The following SV2C variants were observed in gnomAD, a reference collection of about 807,000 sequenced individuals.
SV2C encodes the protein solute carrier family 22 member B3.
In SV2C, 49 loss-of-function variants were observed where a neutral mutation model predicts 79.7. That is an observed-to-expected ratio of 0.61 (90% CI 0.49 to 0.78). The LOEUF is 0.78. Ranked by LOEUF, SV2C falls within the 30% of genes least tolerant of loss-of-function variation. The pLI, the probability that SV2C is intolerant of heterozygous loss-of-function variation, is 0.00. For synonymous variants in SV2C, 334 were observed against 333.2 expected (o/e 1.00, Z -0.03); for missense variants, 833 against 912.9 (o/e 0.91, Z 1.13).
the SV2C span, among the ~76,000 whole-genome samples, chr5:75,976,282 ACTCT>A: frequency 9.9e-4 from 150 of 151,872 alleles, 1 homozygote; most frequent in Non-Finnish European, 8.4e-4. Flanking sequence ...TCTCTCTCTC[ACTCT>A]CTCTCTTTCT....
At chr5:75,919,286 G>A in the SV2C span, among the ~76,000 whole-genome samples, 1 of 152,168 alleles carries the variant, frequency 6.6e-6, no homozygotes, top group Non-Finnish European at 1.5e-5. Context: ...TGGTCACCGG[G>A]CCCTCCCCTA....
chr5:76,276,204 G>T (rs568251605), intron 4 of SV2C, among the ~76,000 whole-genome samples: 1 of 152,184 alleles, frequency 6.6e-6, no homozygotes, highest in Admixed American at 6.5e-5. Context: ...GAGTAGTGAT[G>T]GTTGTCAGTG....
At chr5:75,973,870 G>A in the SV2C span, among the ~76,000 whole-genome samples, 1 of 151,942 alleles carries the variant, frequency 6.6e-6, no homozygotes, top group African/African-American at 2.4e-5. Context: ...ATATGAAATT[G>A]AGAACATTTC....
chr5:75,918,615 G>A, the SV2C span, among the ~76,000 whole-genome samples: 1 of 152,232 alleles, frequency 6.6e-6, no homozygotes, highest in Non-Finnish European at 1.5e-5. Flanking sequence ...GCTATAGTCT[G>A]TCCCTCATGA....
At chr5:75,896,894 T>C in the SV2C span, among the ~76,000 whole-genome samples, 4 of 147,138 alleles carry the variant, frequency 2.7e-5, no homozygotes, top group South Asian at 8.4e-4. Flanking sequence ...TCATGTCCTT[T>C]GCCCACTTTT....
intron 1 of SV2C, among the ~76,000 whole-genome samples, chr5:76,095,443 A>T (rs1412701323): frequency 6.6e-6 from 1 of 152,120 alleles, no homozygotes; most frequent in Admixed American, 6.5e-5. Context: ...TGTCAATTTT[A>T]TCTGGATTGT....
At chr5:75,915,181 C>T in the SV2C span, among the ~76,000 whole-genome samples, 4 of 152,132 alleles carry the variant, frequency 2.6e-5, no homozygotes, top group African/African-American at 4.8e-5. Flanking sequence ...ACCATATCAC[C>T]ATTTCACAAG....
intron 2 of SV2C, among the ~76,000 whole-genome samples, chr5:76,180,903 A>G (rs550962989): frequency 6.6e-6 from 1 of 152,160 alleles, no homozygotes; most frequent in East Asian, 1.9e-4. Context: ...AAATGTCACC[A>G]TCCTCAAGGG....
chr5:75,987,555 T>C, the SV2C span, among the ~76,000 whole-genome samples: 3 of 151,988 alleles, frequency 2.0e-5, no homozygotes, highest in Non-Finnish European at 4.4e-5. Flanking sequence ...AGATTTCTTC[T>C]TATGTGAAGA....
At chr5:76,074,318 T>A in the SV2C span, among the ~76,000 whole-genome samples, 1 of 152,182 alleles carries the variant, frequency 6.6e-6, no homozygotes, top group Non-Finnish European at 1.5e-5. Context: ...ATTCAGGTAA[T>A]GGTAGCTCTT....
chr5:75,865,821 G>A, the SV2C span, among the ~76,000 whole-genome samples: 7 of 152,290 alleles, frequency 4.6e-5, no homozygotes, highest in Admixed American at 4.6e-4. Flanking sequence ...AGAGGCCCTG[G>A]TTAACCAAGT....
intron 4 of SV2C, among the ~76,000 whole-genome samples, chr5:76,272,657 C>T (rs974525138): frequency 1.7e-4 from 26 of 152,120 alleles, no homozygotes; most frequent in African/African-American, 6.3e-4. Context: ...TGCCTTAGAT[C>T]TATACTTGAA....
chr5:75,936,990 G>A, the SV2C span, among the ~76,000 whole-genome samples: 3 of 152,284 alleles, frequency 2.0e-5, no homozygotes, highest in East Asian at 5.8e-4. Context: ...TGGGAAAATT[G>A]CAGTTGTCTC....
chr5:76,057,031 G>T, the SV2C span, among the ~76,000 whole-genome samples: 2,039 of 152,064 alleles, frequency 0.013, 49 homozygotes, highest in African/African-American at 0.047. Flanking sequence ...CTTGTCTTCT[G>T]CAAGCTGTTG....
chr5:75,879,207 T>C, the SV2C span, among the ~76,000 whole-genome samples: 1,776 of 152,258 alleles, frequency 0.012, 29 homozygotes, highest in African/African-American at 0.04. Flanking sequence ...ACCATATCAT[T>C]CTGCCCCAGG....
At chr5:75,903,787 C>T in the SV2C span, among the ~76,000 whole-genome samples, 1 of 152,162 alleles carries the variant, frequency 6.6e-6, no homozygotes, top group African/African-American at 2.4e-5. Context: ...AAATTGTTGA[C>T]TCATACTCTC....
chr5:76,121,404 T>C (rs1486025293), intron 1 of SV2C, among the ~76,000 whole-genome samples: 1 of 151,208 alleles, frequency 6.6e-6, no homozygotes, highest in Non-Finnish European at 1.5e-5. Flanking sequence ...TGGCTTTTGT[T>C]GCCATTGCTT....
the SV2C span, among the ~76,000 whole-genome samples, chr5:75,925,424 T>C: frequency 6.6e-6 from 1 of 152,212 alleles, no homozygotes; most frequent in African/African-American, 2.4e-5. Flanking sequence ...AGGACTCAGA[T>C]AGTAATGGAA....
chr5:76,013,160 G>C, the SV2C span, among the ~76,000 whole-genome samples: 2 of 152,160 alleles, frequency 1.3e-5, no homozygotes, highest in South Asian at 4.1e-4. Flanking sequence ...GTGGTAGCTT[G>C]ATGGGGATAG....
Sources: gnomAD v4.1 joint callset for allele counts (sites outside exome capture counted in the v4.1 genomes callset) on GRCh38, gnomAD v4.1.1 for gene constraint, MANE v1.5 for transcripts, NCBI Gene and HGNC (gene_info 2026-07-23, HGNC 2026-07-21) for gene names.